IGFBP7: variants seen among roughly 807,000 people sequenced by gnomAD.
The protein encoded by IGFBP7 is insulin-like growth factor-binding protein 7.
In IGFBP7, 31 loss-of-function variants were observed where a neutral mutation model predicts 29.4. That is an observed-to-expected ratio of 1.05 (90% CI 0.79 to 1.42). IGFBP7 has a LOEUF of 1.42. Ranked by LOEUF, IGFBP7 falls within the 40% of genes most tolerant of loss-of-function variation. IGFBP7 has a pLI of 0.00. For synonymous variants in IGFBP7, 172 were observed against 174.9 expected, an observed-to-expected ratio of 0.98 and a Z score of 0.13; for missense variants, 393 against 395.5, an observed-to-expected ratio of 0.99 and a Z score of 0.05.
rs1256584701 is a variant in IGFBP7 at position 57,091,228 on chromosome 4, T to C, written c.475+18649A>G. Among the ~76,000 whole-genome samples, 6 of 152,332 alleles carry C rather than the reference T, an allele frequency of 3.9e-5. No individual in the cohort carries two copies. In the East Asian group the frequency reaches 9.6e-4, roughly 24 times the overall value. On this transcript the variant is annotated intron_variant, in intron 1 of 4. Coordinates refer to ENST00000295666, the MANE Select transcript of IGFBP7 (RefSeq NM_001553.3). ...GGTAATGACCAGAGTAACTGGAGAC[T>C]GTGGAAATGCAGAGTATTAACTATG...
chr4:57,038,971 C>T (rs1174961169), intron 2 of IGFBP7, among the ~76,000 whole-genome samples: 1 of 145,450 alleles, frequency 6.9e-6, no homozygotes, highest in African/African-American at 2.6e-5. Flanking sequence ...GAGACTGAGG[C>T]AGAAGAATCA....
rs1432335587 is a variant in IGFBP7, at chr4:57,033,240, C to T, written c.657G>A (p.Gln219=). 5.0e-6 allele frequency: 8 copies of T among 1,614,042 alleles called. No homozygotes were observed. Among genetic ancestry groups the T allele is most frequent in the Admixed American group, 3.3e-5 (2 of 60,004 alleles). Residue 219 remains glutamine (Q), a synonymous_variant, in exon 3 of 5, where the codon CAG becomes CAA. Coordinates refer to ENST00000295666, the MANE Select transcript of IGFBP7 (RefSeq NM_001553.3). ...CATGCTTTTCTGGGCCACCCCGGGT[C>T]TGAATGGCCAGGTTGTCCCGGTCAC... ...LPGDRDNLAI[Q]TRGGPEKHEV... is the part of the protein sequence containing the mutation.
intron 2 of IGFBP7, among the ~76,000 whole-genome samples, chr4:57,036,747 G>T (rs529227900): frequency 6.6e-6 from 1 of 152,146 alleles, no homozygotes; most frequent in Non-Finnish European, 1.5e-5. Flanking sequence ...TGGAGAAAAG[G>T]CTTGTACCAT....
At chr4:57,074,965 C>T (rs1034144671) in intron 1 of IGFBP7, among the ~76,000 whole-genome samples, 4 of 152,324 alleles carry the variant, frequency 2.6e-5, no homozygotes, top group South Asian at 2.1e-4. Context: ...TGGGGAAATC[C>T]GTGCTGATTG....
chr4:57,036,812 G>T (rs1452615356), intron 2 of IGFBP7, among the ~76,000 whole-genome samples: 1 of 152,156 alleles, frequency 6.6e-6, no homozygotes, highest in Non-Finnish European at 1.5e-5. Flanking sequence ...GTCTTTATTT[G>T]AGCCTCAGTT....
In IGFBP7 at chr4:57,054,302, C is replaced by A. The variant is rs550989218; in HGVS notation, c.476-13369G>T. ...GCTTAGTCTCTATCCGTAGGCCCTG[C>A]GCTGACTAACAAGAATTCTAAGCAA... On this transcript the variant is annotated intron_variant, in intron 1 of 4. Coordinates refer to ENST00000295666, the MANE Select transcript of IGFBP7 (RefSeq NM_001553.3). Among the ~76,000 whole-genome samples the A allele has an allele frequency of 6.8e-5, 9 of 132,288 alleles. No homozygotes were observed. In the East Asian group the frequency reaches 1.7e-3, roughly 25 times the overall value. The allele number at this position is 132,288 out of a possible 152,430, so 86.8% of individuals were successfully genotyped here.
At chr4:57,043,996 T>G (rs573223384) in intron 1 of IGFBP7, among the ~76,000 whole-genome samples, 2 of 152,334 alleles carry the variant, frequency 1.3e-5, no homozygotes, top group South Asian at 4.1e-4. Flanking sequence ...CACACAGACT[T>G]GGCAGGAGGA....
intron 3 of IGFBP7, 152 bp downstream of exon 3, chr4:57,033,043 A>C: frequency 1.4e-6 from 1 of 727,016 alleles, no homozygotes; most frequent in Admixed American, 2.0e-5. Flanking sequence ...TTTCTCTGAA[A>C]GAGGAGCAGC....
chr4:57,091,932 C>T lies in IGFBP7; in HGVS notation c.475+17945G>A, dbSNP rs1725651251. Among the ~76,000 whole-genome samples, 2 of 152,200 alleles carry T rather than the reference C, an allele frequency of 1.3e-5. 1 individual carries two copies. The highest frequency in any genetic ancestry group is 4.1e-4 in the South Asian group (2 of 4,834). ...GCTGTCCCTCACAGGAGGAGAATAA[C>T]AGCACATATCAGAAACTGAAGTGAA... is the stretch of plus-strand genomic sequence containing the variant. On this transcript the variant is annotated intron_variant, in intron 1 of 4. Coordinates refer to ENST00000295666, the MANE Select transcript of IGFBP7 (RefSeq NM_001553.3).
chr4:57,035,573 G>T (rs565649608), intron 2 of IGFBP7, among the ~76,000 whole-genome samples: 1 of 152,248 alleles, frequency 6.6e-6, no homozygotes, highest in African/African-American at 2.4e-5. Flanking sequence ...TGATTCTCCT[G>T]CCTCAGCTTC....
intron 1 of IGFBP7, among the ~76,000 whole-genome samples, chr4:57,103,747 C>G (rs1439333162): frequency 7.6e-6 from 1 of 131,510 alleles, no homozygotes; most frequent in Non-Finnish European, 1.5e-5. Context: ...CAGATTTGAC[C>G]TCCTGGGCTC....
chr4:57,092,957 C>T (rs1179848969), intron 1 of IGFBP7, among the ~76,000 whole-genome samples: 1 of 151,712 alleles, frequency 6.6e-6, no homozygotes, highest in Non-Finnish European at 1.5e-5. Flanking sequence ...AAATGAAAAA[C>T]AAGATATAAA....
chr4:57,058,259 A>G (rs1391578040), intron 1 of IGFBP7, among the ~76,000 whole-genome samples: 2 of 152,240 alleles, frequency 1.3e-5, no homozygotes, highest in African/African-American at 4.8e-5. Flanking sequence ...ACTGATCATC[A>G]TATGTTAAAT....
chr4:57,032,294 C>T lies in IGFBP7; in HGVS notation c.829+132G>A, dbSNP rs1379928841. ...TCATGCTGTACATTTTAATGGCATA[C>T]TTAATGCCCTTATGGGTTGCTAACT... On this transcript the variant is annotated intron_variant, in intron 4 of 4. Transcript: ENST00000295666. 2.7e-6 allele frequency: 4 copies of T among 1,458,580 alleles called. No individual in the cohort carries two copies. The East Asian group carries it at 7.3e-5, about 27-fold the overall frequency. 90.4% of individuals were successfully genotyped at this position (1,458,580 alleles called of 1,614,324 possible).
At chr4:57,094,652 A>G (rs1053642194) in intron 1 of IGFBP7, among the ~76,000 whole-genome samples, 1 of 152,206 alleles carries the variant, frequency 6.6e-6, no homozygotes, top group Non-Finnish European at 1.5e-5. Flanking sequence ...TATTTCCTAA[A>G]TACTGCTCTG....
At chr4:57,072,793 T>A in intron 1 of IGFBP7, 1 of 545,966 alleles carries the variant, frequency 1.8e-6, no homozygotes. Flanking sequence ...GGACCATCCA[T>A]TGAGCAGCTG....
At chr4:57,089,342 A>G (rs1474968607) in intron 1 of IGFBP7, among the ~76,000 whole-genome samples, 2 of 152,200 alleles carry the variant, frequency 1.3e-5, no homozygotes, top group Non-Finnish European at 2.9e-5. Context: ...CCCTTTCCAC[A>G]TATTAAATTA....
rs918243225 is a variant in IGFBP7 at position 57,073,050 on chromosome 4, C to T, written c.476-32117G>A. ...GATAGCTCGTTGAACAGGCATGCTG[C>T]CAAGCTCTGGAAACCCCCCACAGCT... On this transcript the variant is annotated intron_variant, in intron 1 of 4. Transcript: ENST00000295666. The T allele has an allele frequency of 3.7e-6, 5 of 1,368,560 alleles. No homozygotes were observed. The East Asian group carries it at 9.3e-5, about 25-fold the overall frequency. The allele number at this position is 1,368,560 out of a possible 1,614,324, so 84.8% of individuals were successfully genotyped here.
intron 1 of IGFBP7, among the ~76,000 whole-genome samples, chr4:57,074,451 T>C (rs371789637): frequency 3.2e-4 from 49 of 152,344 alleles, no homozygotes; most frequent in African/African-American, 1.2e-3. Flanking sequence ...AAAAAGAAGC[T>C]GCAACTGGCA....
Sources: allele counts gnomAD v4.1 joint callset (sites outside exome capture counted in the v4.1 genomes callset), GRCh38; gene constraint gnomAD v4.1.1; transcripts MANE v1.5; gene names NCBI Gene and HGNC (gene_info 2026-07-23, HGNC 2026-07-21).